Variants in ACKR3 observed in about 807,000 individuals in gnomAD.
ACKR3 encodes the protein C-X-C chemokine receptor type 7.
A neutral mutation model predicts 22.4 loss-of-function variants in ACKR3; 6 were observed. The ratio of observed to expected loss-of-function variants is 0.27; its 90% CI spans 0.15 to 0.53. The LOEUF (loss-of-function observed/expected upper bound fraction) is 0.53, where lower values mean the gene tolerates loss of function less well. Among genes scored for constraint, ACKR3 ranks in the 20% least tolerant of loss-of-function variants. ACKR3 has a pLI of 0.96. For missense variants in ACKR3, 396 were observed against 475.2 expected (o/e 0.83, Z 1.55); for synonymous variants, 209 against 205.2 (o/e 1.02, Z -0.16).
At chr2:236,562,857 C>G (rs1343889217), upstream of ACKR3, among the ~76,000 whole-genome samples, 2 of 152,072 alleles carry the variant, frequency 1.3e-5, no homozygotes, top group African/African-American at 4.8e-5. Context: ...GTGTTTTGGT[C>G]TGCAACGGAA....
the ACKR3 span, among the ~76,000 whole-genome samples, chr2:236,538,824 A>G: frequency 2.0e-5 from 3 of 152,236 alleles, no homozygotes; most frequent in Non-Finnish European, 4.4e-5. Context: ...TGCTTGGGAT[A>G]TTCTTATCCT....
chr2:236,573,575 A>T (rs1691351683), intron 1 of ACKR3, among the ~76,000 whole-genome samples: 2 of 152,252 alleles, frequency 1.3e-5, no homozygotes, highest in Admixed American at 1.3e-4. Flanking sequence ...AAGCCAGTGA[A>T]GGAGGCAGAA....
the ACKR3 span, among the ~76,000 whole-genome samples, chr2:236,544,085 A>G: frequency 6.7e-6 from 1 of 148,344 alleles, no homozygotes; most frequent in Non-Finnish European, 1.5e-5. This position sits in a 1 kb window ranked among gnomAD's most constrained non-coding sequence, Gnocchi z 5.0. Flanking sequence ...TGCCTCCCGG[A>G]TTCAAGTGAT....
the ACKR3 span, among the ~76,000 whole-genome samples, chr2:236,556,357 T>A: frequency 6.6e-6 from 1 of 152,060 alleles, no homozygotes; most frequent in South Asian, 2.1e-4. Context: ...CTCCAGAACC[T>A]GTGAATCGTC....
the ACKR3 span, among the ~76,000 whole-genome samples, chr2:236,538,308 C>T: frequency 6.6e-6 from 1 of 152,312 alleles, no homozygotes; most frequent in South Asian, 2.1e-4. Flanking sequence ...AGAACAGACA[C>T]AGATTGCCGA....
the ACKR3 span, among the ~76,000 whole-genome samples, chr2:236,561,081 T>C: frequency 1.3e-5 from 2 of 152,222 alleles, no homozygotes; most frequent in African/African-American, 4.8e-5. Context: ...TGATTCCATG[T>C]ATATGAGGTA....
At chr2:236,540,414 T>A in the ACKR3 span, among the ~76,000 whole-genome samples, 1 of 152,062 alleles carries the variant, frequency 6.6e-6, no homozygotes, top group East Asian at 1.9e-4. Context: ...TCTTTCTATA[T>A]TCTGGACACC....
rs552025116 is a variant in ACKR3 at position 236,570,392 on chromosome 2, C to T, written c.-27+468C>T. On this transcript the variant is annotated intron_variant, in intron 1 of 1. Transcript: ENST00000272928. ...AAATACGTAATTCCAGAATGATGAACACTTTATTAAGAGGCATCCTTAAAT... is the reference window on the plus strand; with the variant it reads ...AAATACGTAATTCCAGAATGATGAATACTTTATTAAGAGGCATCCTTAAAT... Among the ~76,000 whole-genome samples the T allele has an allele frequency of 2.0e-5, 3 of 152,288 alleles. No homozygotes were observed. The South Asian group carries it at 6.2e-4, about 32-fold the overall frequency.
the ACKR3 span, among the ~76,000 whole-genome samples, chr2:236,554,664 G>A: frequency 6.6e-6 from 1 of 152,210 alleles, no homozygotes; most frequent in African/African-American, 2.4e-5. Context: ...AGCGCAAACA[G>A]CAGGGGGTGC....
the ACKR3 span, among the ~76,000 whole-genome samples, chr2:236,561,347 G>A: frequency 6.6e-6 from 1 of 152,092 alleles, no homozygotes; most frequent in Non-Finnish European, 1.5e-5. Flanking sequence ...ACACAAGTGA[G>A]TCTCCCAATC....
the ACKR3 span, among the ~76,000 whole-genome samples, chr2:236,556,916 GACCTCAGTTGATCCCCCC>G: frequency 6.6e-6 from 1 of 152,282 alleles, no homozygotes; most frequent in South Asian, 2.1e-4. Flanking sequence ...TCGAGCTCCT[GACCTCAGTTGATCCCCCC>G]ACCTCAGCTT....
upstream of ACKR3, among the ~76,000 whole-genome samples, chr2:236,566,979 C>T (rs778058680): frequency 2.3e-4 from 34 of 150,044 alleles, no homozygotes; most frequent in Non-Finnish European, 4.7e-4. Flanking sequence ...TCTTTCCTTC[C>T]TTCCTACCTT....
At chr2:236,560,100 T>C in the ACKR3 span, among the ~76,000 whole-genome samples, 1 of 152,238 alleles carries the variant, frequency 6.6e-6, no homozygotes, top group Non-Finnish European at 1.5e-5. Context: ...ATTGAATCTA[T>C]GGAGCAATTT....
At position 236,581,608 on chromosome 2, in the gene ACKR3, G is replaced by A. The variant is rs1691539748; in HGVS notation, c.*54G>A. On this transcript the variant is annotated 3_prime_UTR_variant, in exon 2 of 2. Transcript: ENST00000272928. This position sits in a 1 kb window ranked among gnomAD's most constrained non-coding sequence, Gnocchi z 4.4. The stretch of plus-strand genomic sequence containing the variant: ...TTACTTGTTTTTGAACAGGGTGATG[G>A]GCCCTATGGTTTTCTAGAGCAAAGC... 44 of 1,556,082 alleles carry A rather than the reference G, an allele frequency of 2.8e-5. No individual in the cohort carries two copies. Among genetic ancestry groups the A allele is most frequent in the Non-Finnish European group, 2.9e-5 (33 of 1,151,508 alleles).
At chr2:236,546,637 G>C in the ACKR3 span, among the ~76,000 whole-genome samples, 1 of 152,184 alleles carries the variant, frequency 6.6e-6, no homozygotes, top group Non-Finnish European at 1.5e-5. This position sits in a 1 kb window ranked among gnomAD's most constrained non-coding sequence, Gnocchi z 4.9. Flanking sequence ...AGGAAGAGAG[G>C]GTTGGAGAAC....
At chr2:236,556,934 C>A in the ACKR3 span, among the ~76,000 whole-genome samples, 2 of 152,190 alleles carry the variant, frequency 1.3e-5, no homozygotes, top group African/African-American at 2.4e-5. Context: ...TTGATCCCCC[C>A]ACCTCAGCTT....
rs1255905833 is a variant in ACKR3 at position 236,581,170 on chromosome 2, G to C, written c.705G>C (p.Leu235=). The change falls in exon 2 of 2, where the codon CTG becomes CTC. Residue 235 remains leucine (L), a synonymous_variant. Transcript: ENST00000272928. The surrounding 1 kb of genome is among the most constrained non-coding windows in gnomAD (Gnocchi z 4.4). ...FSIIAVFYFL[L]ARAISASSDQ... is the part of the protein sequence containing the mutation. The stretch of plus-strand genomic sequence containing the variant: ...TTATCGCTGTCTTCTACTTCCTGCT[G>C]GCCAGAGCCATCTCGGCGTCCAGTG... 1.9e-6 allele frequency: 3 copies of C among 1,613,786 alleles called. 1 individual carries two copies. The South Asian group carries it at 3.3e-5, about 18-fold the overall frequency.
At chr2:236,557,869 G>C in the ACKR3 span, among the ~76,000 whole-genome samples, 1 of 152,118 alleles carries the variant, frequency 6.6e-6, no homozygotes, top group African/African-American at 2.4e-5. Flanking sequence ...TGCCAGAAAC[G>C]TGAGACCTGA....
the ACKR3 span, among the ~76,000 whole-genome samples, chr2:236,546,899 A>G: frequency 1.2e-4 from 18 of 152,382 alleles, no homozygotes; most frequent in African/African-American, 4.3e-4. The surrounding 1 kb of genome is among the most constrained non-coding windows in gnomAD (Gnocchi z 4.9). Flanking sequence ...AGCTGCCTAC[A>G]GGGAGAGAAA....
Sources: allele counts gnomAD v4.1 joint callset (sites outside exome capture counted in the v4.1 genomes callset), GRCh38; gene constraint gnomAD v4.1.1; non-coding constraint Gnocchi (gnomAD v3.1); transcripts MANE v1.5; gene names NCBI Gene and HGNC (gene_info 2026-07-23, HGNC 2026-07-21).